Variants in CCDC175 observed in about 807,000 individuals in gnomAD.
CCDC175 encodes the protein coiled-coil domain-containing protein 175.
Under a neutral mutation model 114.6 loss-of-function variants are expected in CCDC175, and 100 were observed. That is an observed-to-expected ratio of 0.87 (90% CI 0.74 to 1.03). The LOEUF (loss-of-function observed/expected upper bound fraction) is 1.03. Among genes scored for constraint, CCDC175 ranks in the 50% least tolerant of loss-of-function variants. CCDC175 has a pLI of 0.00. For missense variants in CCDC175, 880 were observed against 917.8 expected, an observed-to-expected ratio of 0.96 and a Z score of 0.53; for synonymous variants, 306 against 308.7, an observed-to-expected ratio of 0.99 and a Z score of 0.09.
intron 19 of CCDC175, among the ~76,000 whole-genome samples, chr14:59,507,077 G>T (rs1214401651): frequency 6.6e-6 from 1 of 152,124 alleles, no homozygotes; most frequent in East Asian, 1.9e-4. Context: ...TGATTTACAA[G>T]AAATAAAATT....
chr14:59,514,772 T>C (rs1469564128), intron 17 of CCDC175, among the ~76,000 whole-genome samples: 1 of 152,058 alleles, frequency 6.6e-6, no homozygotes, highest in Non-Finnish European at 1.5e-5. Context: ...ACTTCCCCAA[T>C]CTAGCAAGGC....
At chr14:59,570,271 G>A (rs1393721671) in intron 3 of CCDC175, among the ~76,000 whole-genome samples, 1 of 152,092 alleles carries the variant, frequency 6.6e-6, no homozygotes, top group Non-Finnish European at 1.5e-5. Context: ...CAGCCAAGCT[G>A]AGCACACTGG....
chr14:59,568,133 C>G, intron 4 of CCDC175, 112 bp downstream of exon 4: 1 of 1,102,096 alleles, frequency 9.1e-7, no homozygotes, highest in Non-Finnish European at 1.2e-6. Flanking sequence ...CCATCTTCAC[C>G]TCTCAACTCG....
Position 59,565,093 on chromosome 14 carries a change from T to C in CCDC175, c.674A>G (p.Lys225Arg). 6.5e-7 allele frequency: 1 copy of C among 1,537,654 alleles called. No individual in the cohort carries two copies. The highest frequency in any genetic ancestry group is 8.7e-7 in the Non-Finnish European group (1 of 1,147,008). ...TCTTATTAGATATTCTGCCCTTTCTTTTTCCATTAGCTCCTCTGCCTCTTG... is the reference window on the plus strand; with the variant it reads ...TCTTATTAGATATTCTGCCCTTTCTCTTTCCATTAGCTCCTCTGCCTCTTG... ...CIQEAEELME[K>R]ERAEYLIRKQ... The change falls in exon 5 of 20, where the codon AAA becomes AGA. Residue 225 changes from lysine to arginine, a missense_variant. Lys to Arg is a conservative substitution (Grantham distance 26, BLOSUM62 2). Coordinates refer to ENST00000537690, the MANE Select transcript of CCDC175 (RefSeq NM_001164399.2).
At chr14:59,557,286 A>G (rs1337896877) in intron 7 of CCDC175, among the ~76,000 whole-genome samples, 1 of 152,106 alleles carries the variant, frequency 6.6e-6, no homozygotes, top group African/African-American at 2.4e-5. Flanking sequence ...CTATGCAGCC[A>G]TAAAAAAGGA....
intron 17 of CCDC175, among the ~76,000 whole-genome samples, chr14:59,517,401 T>G (rs1023049948): frequency 6.6e-5 from 10 of 152,122 alleles, no homozygotes; most frequent in African/African-American, 1.7e-4. Flanking sequence ...CAGATGACAT[T>G]ATTGTATATT....
chr14:59,570,350 T>TTC (rs1896776151), intron 3 of CCDC175, among the ~76,000 whole-genome samples: 1 of 152,112 alleles, frequency 6.6e-6, no homozygotes, highest in Non-Finnish European at 1.5e-5. Context: ...CTGAACATTG[T>TTC]GCCAGCTGGT....
intron 7 of CCDC175, among the ~76,000 whole-genome samples, chr14:59,558,672 G>C (rs1896059598): frequency 6.6e-6 from 1 of 152,084 alleles, no homozygotes; most frequent in Non-Finnish European, 1.5e-5. Flanking sequence ...GAAATCAAGA[G>C]TCTGTTCAGG....
intron 17 of CCDC175, 78 bp downstream of exon 17, chr14:59,521,496 T>C: frequency 1.3e-6 from 1 of 772,882 alleles, no homozygotes; most frequent in Non-Finnish European, 2.1e-6. Flanking sequence ...ATAAGCTCCC[T>C]TTCATATATA....
rs143466661 is a variant in CCDC175 at position 59,552,396 on chromosome 14, C to T, written c.954-960G>A. The stretch of plus-strand genomic sequence containing the variant: ...CCTCCAGCAAACTCCAACAGACCTG[C>T]AGCTGAGGGTCCTGACTGTTAGAAG... On this transcript the variant is annotated intron_variant, in intron 7 of 19. Transcript: ENST00000537690. Among the ~76,000 whole-genome samples the T allele has an allele frequency of 4.8e-3, 724 of 152,344 alleles. 2 individuals are homozygous for T. The highest frequency in any genetic ancestry group is 0.016 in the African/African-American group (682 of 41,590).
intron 8 of CCDC175, chr14:59,551,147 G>GT (rs1431637972): frequency 2.3e-5 from 8 of 351,320 alleles, no homozygotes; most frequent in African/African-American, 1.7e-4. Flanking sequence ...CCAAAAAACA[G>GT]TTCCTCTGTA....
At chr14:59,513,634 T>G (rs1264440756) in intron 17 of CCDC175, among the ~76,000 whole-genome samples, 1 of 152,128 alleles carries the variant, frequency 6.6e-6, no homozygotes, top group African/African-American at 2.4e-5. Flanking sequence ...TGCCTGCCAT[T>G]GCTGAGGCTT....
rs571138985 is a variant in CCDC175 at position 59,557,383 on chromosome 14, C to A, written c.953+3736G>T. Among the ~76,000 whole-genome samples, 55 of 149,998 alleles carry A rather than the reference C, an allele frequency of 3.7e-4. No homozygotes were observed. In the South Asian group the frequency reaches 4.2e-3, roughly 11 times the overall value. The stretch of plus-strand genomic sequence containing the variant: ...TCGCAAGGACAAAAAACCAAACATC[C>A]CATGTTCTCACTCATAGGTGGGAAT... On this transcript the variant is annotated intron_variant, in intron 7 of 19. Coordinates refer to ENST00000537690, the MANE Select transcript of CCDC175 (RefSeq NM_001164399.2).
intron 17 of CCDC175, among the ~76,000 whole-genome samples, chr14:59,517,513 T>C (rs1408176643): frequency 6.6e-6 from 1 of 152,244 alleles, no homozygotes; most frequent in Middle Eastern, 3.4e-3. Context: ...ACAAGCATTC[T>C]TATACACCAA....
chr14:59,554,235 T>C (rs987928307), intron 7 of CCDC175, among the ~76,000 whole-genome samples: 13 of 152,176 alleles, frequency 8.5e-5, no homozygotes, highest in Admixed American at 3.3e-4. Flanking sequence ...CTTCAGCAAA[T>C]GTAAAAGAAC....
chr14:59,523,793 T>C (rs952824547), intron 16 of CCDC175, among the ~76,000 whole-genome samples: 1 of 152,002 alleles, frequency 6.6e-6, no homozygotes, highest in Admixed American at 6.6e-5. Flanking sequence ...ATCGAGACCA[T>C]CCTGGCTAAC....
chr14:59,538,980 G>T (rs1210126440), intron 11 of CCDC175, 140 bp from the exon 12 acceptor site: 1 of 671,790 alleles, frequency 1.5e-6, no homozygotes, highest in Non-Finnish European at 2.3e-6. Flanking sequence ...TACACACATT[G>T]CATGAAAAAG....
rs1331817900 is a variant in CCDC175, at chr14:59,545,262, T to C, written c.1073A>G (p.Lys358Arg). ...ETLHAARMEY[K>R]DLREKMKTLA... ...AGTTTTCATTTTCTCTCGTAGGTCTTTGTATTCCATACGAGCAGCATGCAG... is the reference window on the plus strand; with the variant it reads ...AGTTTTCATTTTCTCTCGTAGGTCTCTGTATTCCATACGAGCAGCATGCAG... Residue 358 changes from lysine to arginine, a missense_variant, in exon 9 of 20, where the codon AAA (lysine) becomes AGA (arginine). By Grantham distance (26) the Lys-to-Arg change is conservative. Transcript: ENST00000537690. 1 of 1,537,002 alleles carries C rather than the reference T, an allele frequency of 6.5e-7. No homozygotes were observed. Among genetic ancestry groups the C allele is most frequent in the Non-Finnish European group, 8.7e-7 (1 of 1,146,754 alleles).
intron 7 of CCDC175, among the ~76,000 whole-genome samples, chr14:59,557,003 TC>T (rs1295720550): frequency 6.6e-6 from 1 of 152,278 alleles, no homozygotes; most frequent in Non-Finnish European, 1.5e-5. Flanking sequence ...TAGGAACACT[TC>T]TACACTGTTG....
Sources: gnomAD v4.1 joint callset for allele counts (sites outside exome capture counted in the v4.1 genomes callset) on GRCh38, gnomAD v4.1.1 for gene constraint, MANE v1.5 for transcripts, NCBI Gene and HGNC (gene_info 2026-07-23, HGNC 2026-07-21) for gene names.